Variants in LRRC75A observed in about 807,000 individuals in gnomAD.
LRRC75A encodes leucine rich repeat containing 75A.
Under a neutral mutation model 26.0 loss-of-function variants are expected in LRRC75A, and 12 were observed. The ratio of observed to expected loss-of-function variants is 0.46; its 90% confidence interval spans 0.30 to 0.75. The LOEUF (loss-of-function observed/expected upper bound fraction) is 0.75. Among genes scored for constraint, LRRC75A ranks in the 30% least tolerant of loss-of-function variants. The pLI is 0.08. For missense variants in LRRC75A, 410 were observed against 486.6 expected (o/e 0.84, Z 1.48); for synonymous variants, 223 against 219.3 (o/e 1.02, Z -0.15).
At chr17:16,487,315 G>A (rs535780834) in intron 1 of LRRC75A, among the ~76,000 whole-genome samples, 2 of 152,330 alleles carry the variant, frequency 1.3e-5, no homozygotes, top group Non-Finnish European at 2.9e-5. Flanking sequence ...TTAGGTGGAG[G>A]TGGAAGGAAA....
intron 2 of LRRC75A, among the ~76,000 whole-genome samples, chr17:16,449,174 G>C (rs111814514): frequency 1.3e-5 from 2 of 152,152 alleles, no homozygotes; most frequent in Admixed American, 1.3e-4. Flanking sequence ...GGGGAGGTCC[G>C]GCACGTTAAC....
intron 1 of LRRC75A, chr17:16,464,003 G>A (rs563782711): frequency 1.9e-3 from 287 of 152,282 alleles, no homozygotes; most frequent in Non-Finnish European, 3.6e-3. Context: ...GAGGGCCTGG[G>A]TGTCATGCCT....
chr17:16,491,149 C>T lies in LRRC75A; in HGVS notation c.246+596G>A, dbSNP rs1350109340. On this transcript the variant is annotated intron_variant, in intron 1 of 3. Transcript: ENST00000470794. The surrounding 1 kb of genome is among the most constrained non-coding windows in gnomAD (Gnocchi z 5.9). The stretch of plus-strand genomic sequence containing the variant: ...CCAAATCCAGCTCCCCTGTCTCTAC[C>T]GCTTTCCGCAGGGGCTCATGGTTGA... 1.3e-5 allele frequency among the ~76,000 whole-genome samples: 2 copies of T among 152,260 alleles called. No homozygotes were observed. Among genetic ancestry groups the T allele is most frequent in the Admixed American group, 6.5e-5 (1 of 15,292 alleles).
chr17:16,460,050 T>C (rs1324549090), intron 2 of LRRC75A, among the ~76,000 whole-genome samples: 1 of 152,076 alleles, frequency 6.6e-6, no homozygotes, highest in Non-Finnish European at 1.5e-5. Context: ...TATTTAGAGG[T>C]GGGGCCTTTG....
chr17:16,480,828 C>A (rs2093832325), intron 1 of LRRC75A, among the ~76,000 whole-genome samples: 1 of 152,166 alleles, frequency 6.6e-6, no homozygotes, highest in African/African-American at 2.4e-5. Flanking sequence ...AGTCAGGCCA[C>A]CTGTCCCAAC....
intron 3 of LRRC75A, among the ~76,000 whole-genome samples, chr17:16,445,155 T>G (rs2093571513): frequency 7.5e-6 from 1 of 133,072 alleles, no homozygotes; most frequent in African/African-American, 2.8e-5. Flanking sequence ...GGCCATTTTC[T>G]GCATTTTTTT....
At position 16,491,514 on chromosome 17, in the gene LRRC75A, C is replaced by G. The variant is rs1214045010; in HGVS notation, c.246+231G>C. 1.3e-5 allele frequency among the ~76,000 whole-genome samples: 2 copies of G among 152,232 alleles called. No individual in the cohort carries two copies. The highest frequency in any genetic ancestry group is 2.4e-5 in the African/African-American group (1 of 41,474). ...CAGTGGGGACATTATGCCAACAGGT[C>G]CCCTTCGGCGGGCCTCACCCGGCCA... On this transcript the variant is annotated intron_variant, in intron 1 of 3. Coordinates refer to ENST00000470794, the MANE Select transcript of LRRC75A (RefSeq NM_001113567.3). The surrounding 1 kb of genome is among the most constrained non-coding windows in gnomAD (Gnocchi z 5.9).
At chr17:16,474,265 T>C (rs2093814424) in intron 1 of LRRC75A, among the ~76,000 whole-genome samples, 1 of 152,104 alleles carries the variant, frequency 6.6e-6, no homozygotes, top group Admixed American at 6.5e-5. Flanking sequence ...AATGAGAAGG[T>C]TGCACCAGCT....
chr17:16,485,667 T>TGTGTGTGTTC (rs1568987959), intron 1 of LRRC75A, among the ~76,000 whole-genome samples: 1 of 121,476 alleles, frequency 8.2e-6, no homozygotes, highest in African/African-American at 3.9e-5. Context: ...TGTGTGTGTG[T>TGTGTGTGTTC]GTTCGTGTGT....
chr17:16,457,472 ATGGGG>A (rs1253961547), intron 2 of LRRC75A, among the ~76,000 whole-genome samples: 1 of 152,100 alleles, frequency 6.6e-6, no homozygotes, highest in Non-Finnish European at 1.5e-5. Context: ...GGAGAGACGG[ATGGGG>A]GAGTTTATTC....
chr17:16,469,553 G>A (rs1438866226), intron 1 of LRRC75A, among the ~76,000 whole-genome samples: 1 of 152,152 alleles, frequency 6.6e-6, no homozygotes, highest in African/African-American at 2.4e-5. Flanking sequence ...CCTTGGGTTG[G>A]GACTGAGTCC....
intron 3 of LRRC75A, among the ~76,000 whole-genome samples, chr17:16,445,473 C>T (rs1193568438): frequency 2.6e-5 from 4 of 152,106 alleles, no homozygotes; most frequent in Admixed American, 6.6e-5. Flanking sequence ...CCCCATTTTC[C>T]GCATTTCTAA....
At chr17:16,476,187 C>T (rs1233153620) in intron 1 of LRRC75A, among the ~76,000 whole-genome samples, 1 of 149,514 alleles carries the variant, frequency 6.7e-6, no homozygotes, top group Non-Finnish European at 1.5e-5. Flanking sequence ...GAGCAAGACT[C>T]CATCTCAAAA....
chr17:16,443,298 C>G lies in LRRC75A; in HGVS notation c.*290G>C, dbSNP rs894269075. The G allele has an allele frequency of 3.7e-5, 15 of 402,240 alleles. No homozygotes were observed. The highest frequency in any genetic ancestry group is 2.6e-4 in the African/African-American group (13 of 49,586). 24.9% of individuals were successfully genotyped at this position (402,240 alleles called of 1,614,324 possible). A position where few individuals can be genotyped will look rare whatever the true frequency, so the allele number is the denominator to read the frequency against. ...ACCTCCAGCCATGTGCCCATTTCCA[C>G]AAGTCTTTGGGGAAGGCCATGAGCT... On this transcript the variant is annotated 3_prime_UTR_variant, in exon 4 of 4. Transcript: ENST00000470794.
At chr17:16,444,238 TA>T (rs1276679133) in intron 3 of LRRC75A, 107 bp from the exon 4 acceptor site, 4 of 941,330 alleles carry the variant, frequency 4.2e-6, no homozygotes, top group Non-Finnish European at 6.2e-6. Context: ...GGACTGCTTT[TA>T]CGAAACACTT....
intron 3 of LRRC75A, among the ~76,000 whole-genome samples, chr17:16,445,673 A>G (rs1323439239): frequency 6.6e-6 from 1 of 152,192 alleles, no homozygotes; most frequent in Non-Finnish European, 1.5e-5. Context: ...AGCCCCAGGG[A>G]GTTGGAAAGT....
At chr17:16,483,140 T>C (rs937767792) in intron 1 of LRRC75A, among the ~76,000 whole-genome samples, 1 of 152,200 alleles carries the variant, frequency 6.6e-6, no homozygotes, top group Non-Finnish European at 1.5e-5. Context: ...CACTGAGTCA[T>C]GTGGACAGCA....
At chr17:16,474,121 G>T (rs996736149) in intron 1 of LRRC75A, among the ~76,000 whole-genome samples, 3 of 152,160 alleles carry the variant, frequency 2.0e-5, no homozygotes, top group African/African-American at 7.2e-5. Context: ...CATATGAAGG[G>T]TTTTGTCTGC....
intron 1 of LRRC75A, among the ~76,000 whole-genome samples, chr17:16,467,904 A>C (rs2143278168): frequency 6.6e-6 from 1 of 152,168 alleles, no homozygotes; most frequent in East Asian, 1.9e-4. Context: ...AAACTCCTAA[A>C]ATCCCTTCCC....
Sources: allele counts gnomAD v4.1 joint callset (sites outside exome capture counted in the v4.1 genomes callset), GRCh38; gene constraint gnomAD v4.1.1; non-coding constraint Gnocchi (gnomAD v3.1); transcripts MANE v1.5; gene names NCBI Gene and HGNC (gene_info 2026-07-23, HGNC 2026-07-21).